TRHDE: variants seen among roughly 807,000 people sequenced by gnomAD.
The protein encoded by TRHDE is thyrotropin releasing hormone degrading enzyme.
In TRHDE, 72 loss-of-function variants were observed where a neutral mutation model predicts 125.7. The ratio of observed to expected loss-of-function variants is 0.57; its 90% CI spans 0.47 to 0.70. TRHDE has a LOEUF of 0.70. TRHDE is among the 30% of genes least tolerant of loss of function. The probability of loss-of-function intolerance (pLI) is 0.00; values close to 1 mark genes in which losing one functional copy is unlikely to be tolerated. For synonymous variants in TRHDE, 509 were observed against 509.1 expected (o/e 1.00, Z 0.00); for missense variants, 1,110 against 1,327.1 (o/e 0.84, Z 2.54).
intron 12 of TRHDE, among the ~76,000 whole-genome samples, chr12:72,578,867 C>G (rs919321469): frequency 1.3e-5 from 2 of 151,934 alleles, no homozygotes; most frequent in Admixed American, 1.3e-4. Context: ...ACAAGAGATA[C>G]AATATGAAAT....
intron 12 of TRHDE, among the ~76,000 whole-genome samples, chr12:72,617,975 A>C (rs762674823): frequency 1.3e-5 from 2 of 152,186 alleles, no homozygotes; most frequent in Non-Finnish European, 2.9e-5. Flanking sequence ...TTCAAACCAT[A>C]GCAAATATCA....
At chr12:72,357,837 A>G (rs1324870187) in intron 2 of TRHDE, among the ~76,000 whole-genome samples, 1 of 151,694 alleles carries the variant, frequency 6.6e-6, no homozygotes, top group East Asian at 1.9e-4. Flanking sequence ...TATACCTTAA[A>G]TATATACAAT....
chr12:72,313,878 A>C (rs11179150), intron 2 of TRHDE, among the ~76,000 whole-genome samples: 5,950 of 152,252 alleles, frequency 0.039, 374 homozygotes, highest in African/African-American at 0.14. Flanking sequence ...AGATTGGGCA[A>C]GTTTCCTTAC....
chr12:72,498,326 T>G (rs966511641), intron 5 of TRHDE, among the ~76,000 whole-genome samples: 1 of 152,204 alleles, frequency 6.6e-6, no homozygotes, highest in Non-Finnish European at 1.5e-5. Context: ...CTTGGCGTAT[T>G]TTTTCTCCAT....
chr12:72,219,188 G>A (rs992501567), intron 2 of TRHDE, among the ~76,000 whole-genome samples: 1 of 151,122 alleles, frequency 6.6e-6, no homozygotes, highest in African/African-American at 2.4e-5. Context: ...GCACATTTTG[G>A]AAAAGACTGT....
chr12:72,305,735 AT>A (rs1330328979), intron 2 of TRHDE, among the ~76,000 whole-genome samples: 1 of 152,212 alleles, frequency 6.6e-6, no homozygotes, highest in Non-Finnish European at 1.5e-5. Context: ...CAGTAGTGAG[AT>A]TTTATGGTTG....
chr12:72,121,159 T>C (rs977064711), intron 2 of TRHDE, among the ~76,000 whole-genome samples: 7 of 152,212 alleles, frequency 4.6e-5, no homozygotes, highest in African/African-American at 1.4e-4. Context: ...CTATTACCAG[T>C]GAGTTTTGTA....
intron 5 of TRHDE, among the ~76,000 whole-genome samples, chr12:72,498,950 T>G (rs2135934905): frequency 6.7e-6 from 1 of 148,620 alleles, no homozygotes; most frequent in Admixed American, 6.8e-5. Flanking sequence ...CTTGAAATTT[T>G]TTCAGAAAAT....
intron 2 of TRHDE, among the ~76,000 whole-genome samples, chr12:72,376,707 G>A (rs1355644502): frequency 1.3e-5 from 2 of 152,064 alleles, no homozygotes; most frequent in East Asian, 3.9e-4. Flanking sequence ...TCTTTAGGCA[G>A]AGATAATAAA....
At chr12:72,519,632 C>T (rs1001998349) in intron 6 of TRHDE, among the ~76,000 whole-genome samples, 1 of 152,226 alleles carries the variant, frequency 6.6e-6, no homozygotes, top group Non-Finnish European at 1.5e-5. Context: ...CTGAAGCCTT[C>T]CTCTCTCAGC....
intron 2 of TRHDE, among the ~76,000 whole-genome samples, chr12:72,218,022 C>T (rs1201091131): frequency 1.3e-5 from 2 of 151,956 alleles, no homozygotes; most frequent in Non-Finnish European, 2.9e-5. Flanking sequence ...AATAAGTAGT[C>T]TATATCAATA....
Position 72,095,829 on chromosome 12 carries a change from T to C in TRHDE, n.174+8390T>C, listed in dbSNP as rs968101995. ...CGAGATATGTGGTCAAACATTATTC[T>C]GGATGTTTCTGTGAGGGTGTTTTTG... On this transcript the variant is annotated intron_variant and non_coding_transcript_variant, in intron 1 of 4. Coordinates refer to the TRHDE transcript ENST00000548156. 8.5e-5 allele frequency among the ~76,000 whole-genome samples: 13 copies of C among 152,348 alleles called. No homozygotes were observed. The East Asian group carries it at 2.5e-3, about 29-fold the overall frequency.
In TRHDE at chr12:72,669,976, A is replaced by T. The variant is rs1875210470; in HGVS notation, c.*6781A>T. On this transcript the variant is annotated 3_prime_UTR_variant, in exon 19 of 19. Coordinates refer to ENST00000261180, the MANE Select transcript of TRHDE (RefSeq NM_013381.3). ...TGCATTGTCTAGTTACTTGAACAAT[A>T]AGAGAAATTCTATCTTTGAGCTTTC... 4 of 151,952 alleles carry T rather than the reference A, an allele frequency of 2.6e-5. No homozygotes were observed. The South Asian group carries it at 8.3e-4, about 31-fold the overall frequency. The allele number at this position is 151,952 out of a possible 1,614,324, so 9.4% of individuals were successfully genotyped here. A position where few individuals can be genotyped will look rare whatever the true frequency, so the allele number is the denominator to read the frequency against.
intron 2 of TRHDE, among the ~76,000 whole-genome samples, chr12:72,203,329 G>A (rs1162541047): frequency 2.0e-5 from 3 of 152,144 alleles, no homozygotes; most frequent in Non-Finnish European, 4.4e-5. Context: ...TTAGCCGCGC[G>A]TGGTGGCAGG....
intron 3 of TRHDE, among the ~76,000 whole-genome samples, chr12:72,394,869 A>G (rs1403728221): frequency 2.0e-5 from 3 of 152,076 alleles, no homozygotes; most frequent in African/African-American, 4.8e-5. Flanking sequence ...GAATTAATCT[A>G]CTGTTACCTC....
At position 72,273,650 on chromosome 12, in the gene TRHDE, C is replaced by T. The variant is rs1264006386; in HGVS notation, c.914+93C>T. 61 of 1,285,008 alleles carry T rather than the reference C, an allele frequency of 4.7e-5. No homozygotes were observed. Among genetic ancestry groups the T allele is most frequent in the Non-Finnish European group, 6.2e-5 (58 of 936,180 alleles). The allele number at this position is 1,285,008 out of a possible 1,614,324, so 79.6% of individuals were successfully genotyped here. On this transcript the variant is annotated intron_variant, in intron 1 of 18. Transcript: ENST00000261180. The surrounding 1 kb of genome is among the most constrained non-coding windows in gnomAD (Gnocchi z 5.3). ...CGACCCCGGGGACCCAGCTGGCTTC[C>T]AATACCCGGGAAGCCAGGGGTGGGG... is the stretch of plus-strand genomic sequence containing the variant.
At chr12:72,193,588 A>G (rs142815131) in intron 2 of TRHDE, among the ~76,000 whole-genome samples, 296 of 152,256 alleles carry the variant, frequency 1.9e-3, no homozygotes, top group Non-Finnish European at 3.6e-3. Context: ...CAGACAGTCT[A>G]GGCTTGTTTC....
At chr12:72,431,172 TGTTTA>T (rs1196841343) in intron 3 of TRHDE, among the ~76,000 whole-genome samples, 2 of 152,114 alleles carry the variant, frequency 1.3e-5, no homozygotes, top group Admixed American at 6.6e-5. Flanking sequence ...TTAGGATTTT[TGTTTA>T]GTTTATTTTA....
intron 15 of TRHDE, among the ~76,000 whole-genome samples, chr12:72,624,672 T>A (rs11179287): frequency 0.14 from 21,588 of 151,660 alleles, 2,071 homozygotes; most frequent in East Asian, 0.54. Flanking sequence ...GATAAATTGA[T>A]TGAGTTGACA....
Sources: gnomAD v4.1 joint callset for allele counts (sites outside exome capture counted in the v4.1 genomes callset) on GRCh38, gnomAD v4.1.1 for gene constraint, Gnocchi (gnomAD v3.1) non-coding constraint, MANE v1.5 for transcripts, NCBI Gene and HGNC (gene_info 2026-07-23, HGNC 2026-07-21) for gene names.